NRXN1: variants seen among roughly 807,000 people sequenced by gnomAD.
NRXN1 encodes neurexin-1.
Under a neutral mutation model 150.9 loss-of-function variants are expected in NRXN1, and 39 were observed. The observed-to-expected ratio is 0.26, with a 90% confidence interval of 0.20 to 0.34. The LOEUF (loss-of-function observed/expected upper bound fraction) is 0.34. NRXN1 is among the 10% of genes least tolerant of loss of function. NRXN1 has a pLI of 1.00. For synonymous variants in NRXN1, 924 were observed against 757.0 expected (o/e 1.22, Z -3.62); for missense variants, 1,815 against 1,949.9 (o/e 0.93, Z 1.30).
intron 15 of NRXN1, among the ~76,000 whole-genome samples, chr2:50,473,511 T>G (rs1232323654): frequency 1.3e-5 from 2 of 152,036 alleles, no homozygotes; most frequent in African/African-American, 4.8e-5. Context: ...AGCTCAAAAT[T>G]CAGTAATATG....
At chr2:50,655,072 T>C (rs1357462853) in intron 5 of NRXN1, among the ~76,000 whole-genome samples, 1 of 151,904 alleles carries the variant, frequency 6.6e-6, no homozygotes, top group African/African-American at 2.4e-5. Context: ...AAAATTGGGA[T>C]TTTCCAATAT....
chr2:50,993,788 C>G (rs1575155771), intron 2 of NRXN1, among the ~76,000 whole-genome samples: 1 of 151,944 alleles, frequency 6.6e-6, no homozygotes, highest in Non-Finnish European at 1.5e-5. Context: ...CTACAAAAAT[C>G]ACATGGAGAA....
chr2:50,270,623 A>G (rs1217988811), intron 17 of NRXN1, among the ~76,000 whole-genome samples: 1 of 152,080 alleles, frequency 6.6e-6, no homozygotes, highest in Non-Finnish European at 1.5e-5. Context: ...CCGTGAAAGT[A>G]TAACGTACAA....
intron 2 of NRXN1, among the ~76,000 whole-genome samples, chr2:50,951,262 A>C (rs1246586412): frequency 6.6e-6 from 1 of 152,158 alleles, no homozygotes; most frequent in African/African-American, 2.4e-5. Context: ...AAAGCCTGTA[A>C]ATCTGTGAAT....
intron 5 of NRXN1, among the ~76,000 whole-genome samples, chr2:50,890,073 A>C (rs2103813961): frequency 6.6e-6 from 1 of 151,924 alleles, no homozygotes; most frequent in African/African-American, 2.4e-5. Flanking sequence ...CCTTTAATAT[A>C]GAGGCTTAGT....
At chr2:50,041,001 G>A (rs1205503302) in intron 21 of NRXN1, among the ~76,000 whole-genome samples, 1 of 152,042 alleles carries the variant, frequency 6.6e-6, no homozygotes, top group Non-Finnish European at 1.5e-5. Context: ...ATCTCCTAAT[G>A]CTATCCCTCC....
At chr2:50,071,457 T>G (rs1291074983) in intron 19 of NRXN1, among the ~76,000 whole-genome samples, 1 of 152,176 alleles carries the variant, frequency 6.6e-6, no homozygotes, top group Non-Finnish European at 1.5e-5. Flanking sequence ...GCAATCTGAC[T>G]GGTGTCCTTA....
At chr2:51,003,270 G>A (rs1030746629) in intron 2 of NRXN1, among the ~76,000 whole-genome samples, 2 of 151,878 alleles carry the variant, frequency 1.3e-5, no homozygotes, top group Non-Finnish European at 2.9e-5. Flanking sequence ...ATAAAGTAAT[G>A]AGAGATTTCT....
intron 17 of NRXN1, among the ~76,000 whole-genome samples, chr2:50,275,911 C>G (rs2070378723): frequency 6.7e-6 from 1 of 149,546 alleles, no homozygotes; most frequent in African/African-American, 2.5e-5. Flanking sequence ...TGCCTGCATT[C>G]TGCCAAATAA....
chr2:50,035,398 G>C (rs979812677), intron 21 of NRXN1, among the ~76,000 whole-genome samples: 2 of 151,888 alleles, frequency 1.3e-5, no homozygotes, highest in African/African-American at 4.8e-5. Context: ...AATGTTTTTA[G>C]ATTGCAAAAC....
intron 18 of NRXN1, among the ~76,000 whole-genome samples, chr2:50,161,593 T>C (rs2059368801): frequency 6.6e-6 from 1 of 152,280 alleles, no homozygotes; most frequent in Middle Eastern, 3.4e-3. Flanking sequence ...ACACAGATAG[T>C]TCCCTTTTGG....
At chr2:50,877,150 C>A (rs1259475255) in intron 5 of NRXN1, among the ~76,000 whole-genome samples, 1 of 151,458 alleles carries the variant, frequency 6.6e-6, no homozygotes, top group Non-Finnish European at 1.5e-5. Context: ...TGTAATCTCC[C>A]ACTCAATACA....
intron 5 of NRXN1, among the ~76,000 whole-genome samples, chr2:50,780,705 A>C (rs1284248949): frequency 6.6e-6 from 1 of 152,142 alleles, no homozygotes; most frequent in Non-Finnish European, 1.5e-5. Context: ...TAATATTTGA[A>C]AATATTTTTC....
intron 21 of NRXN1, among the ~76,000 whole-genome samples, chr2:50,027,337 C>T (rs763447530): frequency 6.9e-6 from 1 of 144,926 alleles, no homozygotes; most frequent in Non-Finnish European, 1.5e-5. Flanking sequence ...CCTTTCCTTC[C>T]TTTGTTCGTT....
chr2:50,202,210 A>T (rs1559082226), intron 18 of NRXN1, among the ~76,000 whole-genome samples: 2 of 152,310 alleles, frequency 1.3e-5, no homozygotes, highest in Non-Finnish European at 2.9e-5. Flanking sequence ...AGGAAGAATT[A>T]AAAAAGTAAG....
At position 50,871,699 on chromosome 2, in the gene NRXN1, G is replaced by A. The variant is rs535550979; in HGVS notation, c.832+50170C>T. Among the ~76,000 whole-genome samples, 15 of 151,554 alleles carry A rather than the reference G, an allele frequency of 9.9e-5. No individual in the cohort carries two copies. In the South Asian group the frequency reaches 1.5e-3, roughly 15 times the overall value. On this transcript the variant is annotated intron_variant, in intron 5 of 22. Transcript: ENST00000401669. ...AGGAGAAACTCAAAACATGCCGAGG[G>A]GTCACTAAAAGCATATTAAGGAGCT...
chr2:50,200,665 T>TAA (rs995621591), intron 18 of NRXN1, among the ~76,000 whole-genome samples: 1 of 152,114 alleles, frequency 6.6e-6, no homozygotes, highest in African/African-American at 2.4e-5. Flanking sequence ...CAATCTGGAA[T>TAA]AAAATCATTT....
intron 21 of NRXN1, among the ~76,000 whole-genome samples, chr2:49,979,207 T>C (rs1679547529): frequency 6.6e-6 from 1 of 152,040 alleles, no homozygotes; most frequent in Non-Finnish European, 1.5e-5. Context: ...TGAGGCAGGA[T>C]AATGCCTTGA....
chr2:50,600,329 T>C (rs1402366490), intron 8 of NRXN1, among the ~76,000 whole-genome samples: 1 of 147,762 alleles, frequency 6.8e-6, no homozygotes, highest in Non-Finnish European at 1.5e-5. Context: ...AGCTTTTTTT[T>C]TTTTTTTTTT....
Sources: allele counts gnomAD v4.1 joint callset (sites outside exome capture counted in the v4.1 genomes callset), GRCh38; gene constraint gnomAD v4.1.1; transcripts MANE v1.5; gene names NCBI Gene and HGNC (gene_info 2026-07-23, HGNC 2026-07-21).